The following GALNT2 variants were observed in gnomAD, a reference collection of about 807,000 sequenced individuals.
The protein encoded by GALNT2 is polypeptide N-acetylgalactosaminyltransferase 2, also known as UDP-GalNAc:polypeptide N-acetylgalactosaminyltransferase 2.
In GALNT2, 31 loss-of-function variants were observed where a neutral mutation model predicts 81.4. The ratio of observed to expected loss-of-function variants is 0.38; its 90% CI spans 0.29 to 0.51. GALNT2 has a LOEUF of 0.51. Ranked by LOEUF, GALNT2 falls within the 20% of genes least tolerant of loss-of-function variation. The pLI is 0.87. For synonymous variants in GALNT2, 303 were observed against 287.4 expected, an observed-to-expected ratio of 1.05 and a Z score of -0.55; for missense variants, 629 against 765.7, an observed-to-expected ratio of 0.82 and a Z score of 2.11.
chr1:230,136,655 TGA>T (rs61633831), intron 1 of GALNT2, among the ~76,000 whole-genome samples: 3,147 of 152,292 alleles, frequency 0.021, 118 homozygotes, highest in East Asian at 0.14. Flanking sequence ...GCGCTGGGTC[TGA>T]GAGAGGACTT....
Position 230,067,358 on chromosome 1 carries a change from G to T in GALNT2, c.78G>T (p.Gly26=). Residue 26 remains glycine (G), a synonymous_variant, in exon 1 of 16, where the codon GGG becomes GGT. Coordinates refer to ENST00000366672, the MANE Select transcript of GALNT2 (RefSeq NM_004481.5). ...GCATCGCCTACTACATGTACTCGGG[G>T]GGCGGCTCTGCGCTGGCCGGGGGCG... ...VLGIAYYMYS[G]GGSALAGGAG... is the part of the protein sequence containing the mutation. The T allele has an allele frequency of 7.3e-7, 1 of 1,367,870 alleles. No homozygotes were observed. Among genetic ancestry groups the T allele is most frequent in the African/African-American group, 1.5e-5 (1 of 65,852 alleles). 84.7% of individuals were successfully genotyped at this position (1,367,870 alleles called of 1,614,324 possible).
intron 1 of GALNT2, among the ~76,000 whole-genome samples, chr1:230,139,578 C>A (rs191550455): frequency 6.6e-6 from 1 of 152,318 alleles, no homozygotes; most frequent in East Asian, 1.9e-4. Context: ...ATCAGGCAGT[C>A]CAGAACCAGC....
At chr1:230,197,323 G>A (rs1055893517) in intron 2 of GALNT2, among the ~76,000 whole-genome samples, 1 of 152,148 alleles carries the variant, frequency 6.6e-6, no homozygotes, top group African/African-American at 2.4e-5. Flanking sequence ...GTAACAGCAG[G>A]GCATGAATTC....
At chr1:230,149,789 C>T (rs1349062414) in intron 1 of GALNT2, among the ~76,000 whole-genome samples, 3 of 152,080 alleles carry the variant, frequency 2.0e-5, no homozygotes, top group Non-Finnish European at 2.9e-5. Context: ...AATAGCATGG[C>T]GTGAATAACT....
rs748929363 is a variant in GALNT2 at position 230,150,201 on chromosome 1, G to A, written c.127-28017G>A. Reference sequence around the variant, plus strand: ...CCTGGGGCCAGGAGAGCCATCGCCTGCTTGGTGACTGCAAAGCTGCCTACC... The same window carrying A: ...CCTGGGGCCAGGAGAGCCATCGCCTACTTGGTGACTGCAAAGCTGCCTACC... On this transcript the variant is annotated intron_variant, in intron 1 of 15. Coordinates refer to ENST00000366672, the MANE Select transcript of GALNT2 (RefSeq NM_004481.5). 2.1e-4 allele frequency among the ~76,000 whole-genome samples: 32 copies of A among 152,298 alleles called. 1 individual carries two copies. Among genetic ancestry groups the A allele is most frequent in the Admixed American group, 1.3e-3 (20 of 15,308 alleles).
intron 2 of GALNT2, among the ~76,000 whole-genome samples, chr1:230,181,055 T>C (rs1463684735): frequency 6.6e-6 from 1 of 151,792 alleles, no homozygotes; most frequent in Non-Finnish European, 1.5e-5. Flanking sequence ...TATGAACAAA[T>C]AGGATTTTAT....
chr1:230,142,158 G>A (rs1345136255), intron 1 of GALNT2, among the ~76,000 whole-genome samples: 2 of 152,102 alleles, frequency 1.3e-5, no homozygotes, highest in Non-Finnish European at 2.9e-5. Context: ...ACCTCCTGTG[G>A]AGGTGGGGGG....
intron 1 of GALNT2, among the ~76,000 whole-genome samples, chr1:230,154,555 G>T (rs1662189734): frequency 6.6e-6 from 1 of 152,166 alleles, no homozygotes; most frequent in African/African-American, 2.4e-5. Flanking sequence ...TTGGAGATAA[G>T]ATCTTTATAG....
intron 15 of GALNT2, 88 bp downstream of exon 15, chr1:230,274,652 C>T (rs1666238336): frequency 6.7e-7 from 1 of 1,497,186 alleles, no homozygotes; most frequent in African/African-American, 1.4e-5. Context: ...TGCTGCCTCT[C>T]AAAGCATCCA....
At chr1:230,112,269 A>T (rs1047703834) in intron 1 of GALNT2, among the ~76,000 whole-genome samples, 8 of 151,672 alleles carry the variant, frequency 5.3e-5, no homozygotes, top group Non-Finnish European at 2.9e-5. Context: ...TTGAGAAAAC[A>T]GATTAGCTTA....
chr1:230,261,081 C>CTTTTT (rs60478941), intron 11 of GALNT2, among the ~76,000 whole-genome samples: 2 of 130,398 alleles, frequency 1.5e-5, no homozygotes, highest in African/African-American at 5.7e-5. Context: ...TAAAGTTTCT[C>CTTTTT]TTTTTTTTTT....
At chr1:230,273,398 G>A (rs1034514319) in intron 14 of GALNT2, among the ~76,000 whole-genome samples, 4 of 152,218 alleles carry the variant, frequency 2.6e-5, no homozygotes, top group Non-Finnish European at 4.4e-5. Context: ...CCACTGCAGC[G>A]TGCTGGGGCT....
chr1:230,092,739 A>T (rs16850893), intron 1 of GALNT2, among the ~76,000 whole-genome samples: 2 of 152,214 alleles, frequency 1.3e-5, no homozygotes, highest in African/African-American at 4.8e-5. Context: ...TTTAAGCAAC[A>T]TATATCTCTA....
At chr1:230,075,933 T>C (rs1032330302) in intron 1 of GALNT2, among the ~76,000 whole-genome samples, 11 of 152,158 alleles carry the variant, frequency 7.2e-5, no homozygotes, top group Non-Finnish European at 1.5e-4. Context: ...GTCCAGCCTC[T>C]TTTTCGGTGA....
At chr1:230,120,848 G>A (rs1660995512) in intron 1 of GALNT2, among the ~76,000 whole-genome samples, 1 of 152,164 alleles carries the variant, frequency 6.6e-6, no homozygotes, top group Non-Finnish European at 1.5e-5. Flanking sequence ...GATCATGTTG[G>A]CACTGCTTCC....
intron 2 of GALNT2, among the ~76,000 whole-genome samples, chr1:230,201,770 A>G (rs543097691): frequency 6.6e-6 from 1 of 152,260 alleles, no homozygotes; most frequent in Non-Finnish European, 1.5e-5. Flanking sequence ...GGGCATGCTC[A>G]TGTCGACACT....
At chr1:230,212,751 CTTGT>C (rs1664271950) in intron 3 of GALNT2, among the ~76,000 whole-genome samples, 1 of 152,168 alleles carries the variant, frequency 6.6e-6, no homozygotes, top group African/African-American at 2.4e-5. Flanking sequence ...CATCAGCGTG[CTTGT>C]TTATGTTTTG....
intron 2 of GALNT2, among the ~76,000 whole-genome samples, chr1:230,200,424 A>G (rs1272690452): frequency 1.3e-5 from 2 of 152,018 alleles, no homozygotes; most frequent in African/African-American, 4.8e-5. Context: ...AGTCCACAGC[A>G]TGGGTCACGG....
At chr1:230,209,843 A>G (rs1004222276) in intron 3 of GALNT2, among the ~76,000 whole-genome samples, 1 of 150,930 alleles carries the variant, frequency 6.6e-6, no homozygotes, top group Non-Finnish European at 1.5e-5. Flanking sequence ...AAAAAAGTCT[A>G]TTGTTTAAGG....
Sources: gnomAD v4.1 joint callset for allele counts (sites outside exome capture counted in the v4.1 genomes callset) on GRCh38, gnomAD v4.1.1 for gene constraint, MANE v1.5 for transcripts, NCBI Gene and HGNC (gene_info 2026-07-23, HGNC 2026-07-21) for gene names.